ARAP2: variants seen among roughly 807,000 people sequenced by gnomAD.
ARAP2 encodes ArfGAP with RhoGAP domain, ankyrin repeat and PH domain 2, also known as arf-GAP with Rho-GAP domain, ANK repeat and PH domain-containing protein 2.
ARAP2 carries 148 observed loss-of-function variants against 194.5 expected under a neutral mutation model. That is an observed-to-expected ratio of 0.76 (90% confidence interval 0.67 to 0.87). The LOEUF is 0.87. Ranked by LOEUF, ARAP2 falls within the 40% of genes least tolerant of loss-of-function variation. ARAP2 has a pLI of 0.00. For synonymous variants in ARAP2, 695 were observed against 683.5 expected (o/e 1.02, Z -0.26); for missense variants, 2,128 against 1,989.7 (o/e 1.07, Z -1.32).
rs1190995783 is a variant in ARAP2 at position 36,050,543 on chromosome 4, C to T, written n.369+1463G>A. Among the ~76,000 whole-genome samples, 4 of 152,302 alleles carry T rather than the reference C, an allele frequency of 2.6e-5. No individual in the cohort carries two copies. In the East Asian group the frequency reaches 7.7e-4, roughly 29 times the overall value. On this transcript the variant is annotated intron_variant and non_coding_transcript_variant, in intron 3 of 12. Transcript: ENST00000503225. Reference sequence around the variant, plus strand: ...TCTCTTTTCATTCTAATCTAAGAAGCTGCTCTGTGAGCAGTTTTATTTAAA... The same window carrying T: ...TCTCTTTTCATTCTAATCTAAGAAGTTGCTCTGTGAGCAGTTTTATTTAAA...
At chr4:36,037,276 C>T (rs1371428407) in intron 5 of ARAP2, among the ~76,000 whole-genome samples, 1 of 152,108 alleles carries the variant, frequency 6.6e-6, no homozygotes, top group Admixed American at 6.6e-5. Context: ...CAGTCAGCAG[C>T]CTTGTAAATA....
chr4:36,208,838 T>TG (rs1202838098), intron 6 of ARAP2, among the ~76,000 whole-genome samples: 3 of 150,186 alleles, frequency 2.0e-5, no homozygotes, highest in African/African-American at 7.3e-5. Context: ...GGGGGTGGGG[T>TG]GGGGGGAGCT....
intron 19 of ARAP2, among the ~76,000 whole-genome samples, chr4:36,136,318 C>T (rs572866921): frequency 1.3e-5 from 2 of 151,780 alleles, no homozygotes; most frequent in South Asian, 2.1e-4. Context: ...ATTAGTTATG[C>T]TAATTGTCTA....
intron 5 of ARAP2, 64 bp from the exon 6 acceptor site, chr4:36,210,807 T>G: frequency 8.3e-7 from 1 of 1,202,826 alleles, no homozygotes; most frequent in Non-Finnish European, 1.2e-6. Context: ...TCAGTGACAT[T>G]TTGAAAATTT....
chr4:36,103,987 A>C (rs1274608603), intron 27 of ARAP2, among the ~76,000 whole-genome samples: 2 of 151,946 alleles, frequency 1.3e-5, no homozygotes. Context: ...CATATCAGGA[A>C]AAAAACTCCT....
intron 19 of ARAP2, among the ~76,000 whole-genome samples, chr4:36,140,795 T>C (rs981092273): frequency 6.6e-6 from 1 of 151,684 alleles, no homozygotes; most frequent in Non-Finnish European, 1.5e-5. Flanking sequence ...ATTAAGCTTC[T>C]TTATGTGAAG....
At chr4:36,079,004 T>C (rs1728872561) in intron 31 of ARAP2, among the ~76,000 whole-genome samples, 1 of 151,732 alleles carries the variant, frequency 6.6e-6, no homozygotes, top group Non-Finnish European at 1.5e-5. Flanking sequence ...TGAAACTCCA[T>C]CTCTACTAAA....
chr4:36,228,923 A>G lies in ARAP2; in HGVS notation c.564T>C (p.Asp188=), dbSNP rs377607769. ...IESLITKKTV[D]HTVEEQQTEK... ...CTGTTTGTTGTTCTTCAACTGTGTG[A>G]TCCACAGTCTTCTTTGTAATCAATG... is the stretch of plus-strand genomic sequence containing the variant. Residue 188 remains aspartate (D), a synonymous_variant, in exon 2 of 33, where the codon GAT becomes GAC. Coordinates refer to ENST00000303965, the MANE Select transcript of ARAP2 (RefSeq NM_015230.4). 7 of 1,613,786 alleles carry G rather than the reference A, an allele frequency of 4.3e-6. No individual in the cohort carries two copies. Among genetic ancestry groups the G allele is most frequent in the Non-Finnish European group, 5.9e-6 (7 of 1,179,850 alleles).
Position 36,165,011 on chromosome 4 carries a change from C to A in ARAP2, c.2076G>T (p.Trp692Cys). 1.9e-6 allele frequency: 3 copies of A among 1,614,086 alleles called. No individual in the cohort carries two copies. The highest frequency in any genetic ancestry group is 2.5e-6 in the Non-Finnish European group (3 of 1,179,956). The change falls in exon 11 of 33, where the codon TGG (tryptophan) becomes TGT (cysteine). Residue 692 changes from tryptophan (W) to cysteine (C), a missense_variant. By Grantham distance (215) the Trp-to-Cys change is radical. Transcript: ENST00000303965. ...CACAGCTCCTGTTGGATTCATTGAA[C>A]CAAATCTTCTCAGCTACTTCATAAT... The part of the protein sequence containing the change: ...LSDYEVAEKI[W>C]FNESNRSCAD...
intron 1 of ARAP2, among the ~76,000 whole-genome samples, 192 bp from the exon 2 acceptor site, chr4:36,229,837 T>C (rs759057653): frequency 6.6e-6 from 1 of 152,284 alleles, no homozygotes; most frequent in East Asian, 1.9e-4. Flanking sequence ...AGAAATGCTA[T>C]GACAGCATCA....
intron 19 of ARAP2, among the ~76,000 whole-genome samples, chr4:36,137,617 C>T (rs1156712641): frequency 6.6e-6 from 1 of 151,616 alleles, no homozygotes; most frequent in Non-Finnish European, 1.5e-5. Context: ...GCTTTTGAGC[C>T]AGAGAACTGG....
At chr4:36,160,073 C>T in intron 13 of ARAP2, 7 of 985,386 alleles carry the variant, frequency 7.1e-6, no homozygotes, top group Non-Finnish European at 8.4e-6. Flanking sequence ...CATCTTTGTA[C>T]AAACAATAGG....
At chr4:36,121,028 T>G in intron 23 of ARAP2, 151 bp downstream of exon 23, 1 of 564,058 alleles carries the variant, frequency 1.8e-6, no homozygotes, top group Non-Finnish European at 2.7e-6. Flanking sequence ...GCTACTTATA[T>G]CTATAATTTA....
chr4:36,145,105 G>T (rs1729335659), intron 19 of ARAP2, among the ~76,000 whole-genome samples: 1 of 151,664 alleles, frequency 6.6e-6, no homozygotes, highest in African/African-American at 2.4e-5. Context: ...TGTTGAAGAA[G>T]AAAGGCAGTT....
At chr4:36,017,589 C>CAAAAAAAAAAAAAAAAAAAAAAA (rs1252307818) in intron 6 of ARAP2, among the ~76,000 whole-genome samples, 6 of 20,952 alleles carry the variant, frequency 2.9e-4, no homozygotes, top group African/African-American at 1.2e-3. Context: ...AAAAAAAAAG[C>CAAAAAAAAAAAAAAAAAAAAAAA]TTTCTGTGGA....
intron 20 of ARAP2, among the ~76,000 whole-genome samples, chr4:36,130,261 A>G (rs1201597580): frequency 3.3e-5 from 5 of 151,996 alleles, no homozygotes; most frequent in Non-Finnish European, 7.4e-5. Context: ...AAGCTTAAAA[A>G]TCTGAATGCT....
chr4:36,121,497 T>C (rs950531715), intron 22 of ARAP2, among the ~76,000 whole-genome samples, 171 bp from the exon 23 acceptor site: 3 of 151,690 alleles, frequency 2.0e-5, no homozygotes, highest in African/African-American at 7.3e-5. Context: ...CTTATAATGA[T>C]AGTTAAGAAC....
chr4:36,153,647 G>T (rs1043773633), intron 15 of ARAP2, among the ~76,000 whole-genome samples: 1 of 152,188 alleles, frequency 6.6e-6, no homozygotes, highest in Non-Finnish European at 1.5e-5. Context: ...CACAGGTAAA[G>T]AACTCCCCAG....
intron 2 of ARAP2, among the ~76,000 whole-genome samples, chr4:36,057,198 G>GT (rs776996821): frequency 0.026 from 3,723 of 142,502 alleles, 57 homozygotes; most frequent in African/African-American, 0.038. Flanking sequence ...AATTGTAATT[G>GT]TTTTTTTTTT....
Sources: allele counts gnomAD v4.1 joint callset (sites outside exome capture counted in the v4.1 genomes callset), GRCh38; gene constraint gnomAD v4.1.1; transcripts MANE v1.5; gene names NCBI Gene and HGNC (gene_info 2026-07-23, HGNC 2026-07-21).